Variants in ERN1 observed in about 807,000 individuals in gnomAD.
ERN1 encodes the protein serine/threonine-protein kinase/endoribonuclease IRE1.
A neutral mutation model predicts 113.1 loss-of-function variants in ERN1; 39 were observed. The observed-to-expected ratio is 0.34, with a 90% CI of 0.27 to 0.45. The LOEUF is 0.45. ERN1 is among the 20% of genes least tolerant of loss of function. The pLI, the probability that ERN1 is intolerant of heterozygous loss-of-function variation, is 1.00. For missense variants in ERN1, 976 were observed against 1,274.8 expected, an observed-to-expected ratio of 0.77 and a Z score of 3.57; for synonymous variants, 507 against 515.9, an observed-to-expected ratio of 0.98 and a Z score of 0.23.
At chr17:64,061,130 G>A (rs930409405) in intron 10 of ERN1, among the ~76,000 whole-genome samples, 2 of 152,156 alleles carry the variant, frequency 1.3e-5, no homozygotes, top group Non-Finnish European at 2.9e-5. Context: ...GCCATAGCTT[G>A]CTCCACGTTC....
rs1217779827 is a variant in ERN1, at chr17:64,063,903, C to G, written c.1087+83G>C. ...AGCACAAGGCCTTCCGAGCTCAGTA[C>G]GGTGTAACTACCAGGGCCGGCGGTC... On this transcript the variant is annotated intron_variant, in intron 10 of 21. Coordinates refer to ENST00000433197, the MANE Select transcript of ERN1 (RefSeq NM_001433.5). The surrounding 1 kb of genome is among the most constrained non-coding windows in gnomAD (Gnocchi z 5.1). 7.4e-7 allele frequency: 1 copy of G among 1,356,028 alleles called. No homozygotes were observed. The highest frequency in any genetic ancestry group is 1.0e-6 in the Non-Finnish European group (1 of 969,522). 84.0% of individuals were successfully genotyped at this position (1,356,028 alleles called of 1,614,324 possible).
At chr17:64,110,776 C>T (rs1299882164) in intron 1 of ERN1, among the ~76,000 whole-genome samples, 5 of 152,160 alleles carry the variant, frequency 3.3e-5, no homozygotes, top group Admixed American at 6.5e-5. Flanking sequence ...TTTCTATTAT[C>T]TAGGCTTCTC....
Position 64,092,826 on chromosome 17 carries a change from G to A in ERN1, c.175+5295C>T, listed in dbSNP as rs78890537. Among the ~76,000 whole-genome samples the A allele has an allele frequency of 3.9e-3, 601 of 152,230 alleles. 4 individuals are homozygous for A. Among genetic ancestry groups the A allele is most frequent in the African/African-American group, 0.014 (570 of 41,528 alleles). ...TCTCAACTCCATCAGGCCAAAGCAA[G>A]CTAATCTAAAACAAAACATGATGGC... On this transcript the variant is annotated intron_variant, in intron 2 of 21. Coordinates refer to ENST00000433197, the MANE Select transcript of ERN1 (RefSeq NM_001433.5).
At chr17:64,109,078 C>T (rs916572276) in intron 1 of ERN1, among the ~76,000 whole-genome samples, 3 of 151,590 alleles carry the variant, frequency 2.0e-5, no homozygotes, top group African/African-American at 2.4e-5. Flanking sequence ...GAGCTGAGAT[C>T]GCACCATTGC....
chr17:64,077,958 C>A (rs964078244), intron 4 of ERN1, among the ~76,000 whole-genome samples: 1 of 152,094 alleles, frequency 6.6e-6, no homozygotes, highest in African/African-American at 2.4e-5. Context: ...TGGTCTCGAT[C>A]TCCTGACCTC....
chr17:64,049,566 C>G lies in ERN1; in HGVS notation c.2254-364G>C, dbSNP rs539339875. ...TCCTGGCTGTTATATATTCCTTACC[C>G]CCAACACGAAAGTGCTCACAGACAG... On this transcript the variant is annotated intron_variant, in intron 17 of 21. Transcript: ENST00000433197. This position sits in a 1 kb window ranked among gnomAD's most constrained non-coding sequence, Gnocchi z 4.7. 6.6e-6 allele frequency among the ~76,000 whole-genome samples: 1 copy of G among 152,176 alleles called. No individual in the cohort carries two copies. Among genetic ancestry groups the G allele is most frequent in the Non-Finnish European group, 1.5e-5 (1 of 68,026 alleles).
chr17:64,096,524 T>C (rs1567878770), intron 2 of ERN1, among the ~76,000 whole-genome samples: 1 of 152,196 alleles, frequency 6.6e-6, no homozygotes, highest in Non-Finnish European at 1.5e-5. Flanking sequence ...GCACAATAAA[T>C]GTAATGCACT....
chr17:64,110,494 G>A (rs954848033), intron 1 of ERN1, among the ~76,000 whole-genome samples: 11 of 152,182 alleles, frequency 7.2e-5, no homozygotes, highest in African/African-American at 7.2e-5. Context: ...TGATGAAGAC[G>A]ATGATAATGT....
At chr17:64,113,988 A>C (rs1026497331) in intron 1 of ERN1, among the ~76,000 whole-genome samples, 1 of 150,552 alleles carries the variant, frequency 6.6e-6, no homozygotes, top group African/African-American at 2.5e-5. Context: ...GGTGACCTTT[A>C]CCTAAATCTA....
At chr17:64,117,771 G>C (rs1274855435) in intron 1 of ERN1, among the ~76,000 whole-genome samples, 2 of 152,122 alleles carry the variant, frequency 1.3e-5, no homozygotes, top group Non-Finnish European at 2.9e-5. Context: ...GGCAACTTAC[G>C]AGGCCTCCAT....
At chr17:64,082,720 GT>G (rs1332755024) in intron 2 of ERN1, among the ~76,000 whole-genome samples, 11 of 152,114 alleles carry the variant, frequency 7.2e-5, no homozygotes, top group African/African-American at 2.7e-4. Context: ...TTATCCACTG[GT>G]CACCTGACAC....
chr17:64,068,354 G>C, intron 6 of ERN1, 63 bp from the exon 7 acceptor site: 1 of 1,159,360 alleles, frequency 8.6e-7, no homozygotes, highest in Non-Finnish European at 1.3e-6. Context: ...CTGAGGTGTG[G>C]TCCTTATCTA....
intron 6 of ERN1, among the ~76,000 whole-genome samples, chr17:64,069,770 G>A (rs1416273533): frequency 6.6e-6 from 1 of 152,152 alleles, no homozygotes; most frequent in African/African-American, 2.4e-5. Context: ...ACAGGTCTCC[G>A]ATCAAGAGGT....
At chr17:64,066,546 G>T in intron 8 of ERN1, 125 bp downstream of exon 8, 1 of 1,195,506 alleles carries the variant, frequency 8.4e-7, no homozygotes, top group Non-Finnish European at 1.2e-6. Flanking sequence ...TCTTGGCTCT[G>T]AATATTCCTC....
At chr17:64,055,065 T>C (rs1334800812) in intron 13 of ERN1, among the ~76,000 whole-genome samples, 1 of 152,224 alleles carries the variant, frequency 6.6e-6, no homozygotes, top group African/African-American at 2.4e-5. Flanking sequence ...TGCGATTGCA[T>C]ATCTTAAAAC....
chr17:64,044,086 G>A lies in ERN1; in HGVS notation c.2836C>T (p.Arg946Trp), dbSNP rs200358341. 8.7e-6 allele frequency: 14 copies of A among 1,613,540 alleles called. No homozygotes were observed. Among genetic ancestry groups the A allele is most frequent in the Non-Finnish European group, 1.2e-5 (14 of 1,179,708 alleles). The part of the protein sequence containing the change: ...RFPHLLAHTY[R>W]AMELCSHERL... ...TCGTGGCTGCACAGCTCCATGGCCC[G>A]GTAGGTGTGTGCGAGGAGGTGGGGG... Residue 946 changes from arginine (R) to tryptophan (W), a missense_variant, in exon 22 of 22, where the codon CGG (arginine) becomes TGG (tryptophan). This residue lies in a region of ERN1 where 92 missense variants were observed against 87.3 expected (regional missense o/e 1.05). Coordinates refer to ENST00000433197, the MANE Select transcript of ERN1 (RefSeq NM_001433.5). The surrounding 1 kb of genome is among the most constrained non-coding windows in gnomAD (Gnocchi z 4.1).
chr17:64,107,210 A>G (rs1252960631), intron 1 of ERN1, among the ~76,000 whole-genome samples: 1 of 152,236 alleles, frequency 6.6e-6, no homozygotes, highest in Non-Finnish European at 1.5e-5. Flanking sequence ...GCAAGCCCTC[A>G]GAGTAAAAGC....
chr17:64,041,469 G>A lies in ERN1; in HGVS notation c.*2519C>T, dbSNP rs1414784011. 2.6e-5 allele frequency: 4 copies of A among 152,166 alleles called. No homozygotes were observed. The highest frequency in any genetic ancestry group is 5.9e-5 in the Non-Finnish European group (4 of 68,052). 9.4% of individuals were successfully genotyped at this position (152,166 alleles called of 1,614,324 possible). A position where few individuals can be genotyped will look rare whatever the true frequency, so the allele number is the denominator to read the frequency against. ...AACTTTCCACTTGCTGAGCACAGTG[G>A]GAAACCAGAATTCTCGAGACTAGAA... On this transcript the variant is annotated 3_prime_UTR_variant, in exon 22 of 22. Transcript: ENST00000433197.
intron 15 of ERN1, 97 bp from the exon 16 acceptor site, chr17:64,053,468 A>C: frequency 1.4e-6 from 1 of 723,054 alleles, no homozygotes; most frequent in Admixed American, 3.5e-5. Flanking sequence ...AGAAATGGCA[A>C]GTTTTACTGA....
Sources: gnomAD v4.1 joint callset for allele counts (sites outside exome capture counted in the v4.1 genomes callset) on GRCh38, gnomAD v4.1.1 for gene constraint, gnomAD v4.1.1 regional missense constraint, Gnocchi (gnomAD v3.1) non-coding constraint, MANE v1.5 for transcripts, NCBI Gene and HGNC (gene_info 2026-07-23, HGNC 2026-07-21) for gene names.